The following ZC4H2 variants were observed in gnomAD, a reference collection of about 807,000 sequenced individuals.
ZC4H2 encodes the protein zinc finger C4H2 domain-containing protein.
For synonymous variants in ZC4H2, 84 were observed against 66.3 expected, an observed-to-expected ratio of 1.27 and a Z score of -1.30; for missense variants, 137 against 173.9, an observed-to-expected ratio of 0.79 and a Z score of 1.19.
At chrX:64,973,605 A>C (rs975168963) in intron 1 of ZC4H2, among the ~76,000 whole-genome samples, 6 of 110,976 alleles carry the variant, frequency 5.4e-5, no homozygotes, top group Non-Finnish European at 1.1e-4. Context: ...AGTCTACTGC[A>C]TTAACCATGC....
chrX:65,018,754 C>T (rs746187220), intron 1 of ZC4H2, among the ~76,000 whole-genome samples: 9 of 111,159 alleles, frequency 8.1e-5, no homozygotes, highest in Non-Finnish European at 1.5e-4. Context: ...GGTCCCATCC[C>T]CATGAAGCTG....
At chrX:64,923,173 A>G (rs1929282357) in intron 1 of ZC4H2, among the ~76,000 whole-genome samples, 1 of 111,839 alleles carries the variant, frequency 8.9e-6, no homozygotes, top group South Asian at 3.7e-4. Context: ...AAGATAAGAT[A>G]CTCGCTGAAA....
intron 1 of ZC4H2, among the ~76,000 whole-genome samples, chrX:64,942,801 G>A (rs1168549996): frequency 8.9e-6 from 1 of 112,003 alleles, no homozygotes; most frequent in African/African-American, 3.2e-5. Context: ...ACATGTGCAT[G>A]TGTCTTTATA....
chrX:64,950,585 C>T (rs1252298299), intron 1 of ZC4H2, among the ~76,000 whole-genome samples: 2 of 110,624 alleles, frequency 1.8e-5, no homozygotes, highest in African/African-American at 6.6e-5. Flanking sequence ...TTGAATTGAT[C>T]CCTTTACCAT....
At chrX:64,951,109 A>C (rs1329294532) in intron 1 of ZC4H2, among the ~76,000 whole-genome samples, 8 of 111,460 alleles carry the variant, frequency 7.2e-5, no homozygotes, top group Non-Finnish European at 1.3e-4. Flanking sequence ...TTCCAATTTC[A>C]TCCATGTCCC....
At chrX:64,935,284 C>G (rs1456236350) in intron 1 of ZC4H2, among the ~76,000 whole-genome samples, 1 of 111,925 alleles carries the variant, frequency 8.9e-6, no homozygotes, top group Non-Finnish European at 1.9e-5. Flanking sequence ...TTTCTCCTCT[C>G]TGGGCAGGGC....
chrX:64,976,534 G>C, upstream of ZC4H2: 3 of 537,689 alleles, frequency 5.6e-6, no homozygotes, highest in Non-Finnish European at 9.2e-6. Flanking sequence ...GAGCTTCAGG[G>C]CCAGCCAGGA....
At chrX:64,995,530 T>C (rs756662133) in intron 1 of ZC4H2, among the ~76,000 whole-genome samples, 137 of 112,175 alleles carry the variant, frequency 1.2e-3, no homozygotes, top group African/African-American at 4.2e-3. Context: ...TGGCTAATTT[T>C]TGTATTTTGG....
chrX:64,940,273 T>G (rs1930212269), intron 1 of ZC4H2, among the ~76,000 whole-genome samples: 1 of 111,825 alleles, frequency 8.9e-6, no homozygotes, highest in South Asian at 3.7e-4. Flanking sequence ...TCTAGTAAAC[T>G]TGTTTAAGAT....
At chrX:64,988,972 A>G (rs1319819547) in intron 1 of ZC4H2, among the ~76,000 whole-genome samples, 1 of 112,132 alleles carries the variant, frequency 8.9e-6, no homozygotes. Flanking sequence ...TTATTAAATA[A>G]GGAATCCTTT....
rs1931054589 is a variant in ZC4H2, at chrX:64,954,362, A to ATATATATATATATATACAAT, written c.53+21962_53+21963insATTGTATATATATATATATA. On this transcript the variant is annotated intron_variant, in intron 1 of 4. Transcript: ENST00000374839. ...TAATTATATATATATATAATTATAT[A>ATATATATATATATATACAAT]TATATATATAATTATATATATTTAT... 2.2e-4 allele frequency among the ~76,000 whole-genome samples: 17 copies of ATATATATATATATATACAAT among 76,981 alleles called. 1 individual carries two copies. Among genetic ancestry groups the ATATATATATATATATACAAT allele is most frequent in the African/African-American group, 1.4e-3 (17 of 12,227 alleles). The allele number at this position is 76,981 out of a possible 115,157, so 66.8% of individuals were successfully genotyped here. A position where few individuals can be genotyped will look rare whatever the true frequency, so the allele number is the denominator to read the frequency against.
intron 4 of ZC4H2, 64 bp downstream of exon 4, chrX:64,918,978 C>A: frequency 9.0e-7 from 1 of 1,116,376 alleles, no homozygotes; most frequent in African/African-American, 1.8e-5. Flanking sequence ...CAGAACTAGC[C>A]TTCCACGGCC....
At chrX:64,927,909 G>A (rs754975372) in intron 1 of ZC4H2, among the ~76,000 whole-genome samples, 14 of 111,958 alleles carry the variant, frequency 1.3e-4, no homozygotes, top group Non-Finnish European at 2.4e-4. Context: ...TATGTTTGAC[G>A]GCCACTTAAG....
intron 1 of ZC4H2, among the ~76,000 whole-genome samples, chrX:65,019,646 T>G (rs1932821993): frequency 9.0e-6 from 1 of 111,619 alleles, no homozygotes; most frequent in South Asian, 3.8e-4. Context: ...GGAACACAAC[T>G]CCTCGCCAGC....
chrX:64,975,730 G>A (rs1356781020), intron 1 of ZC4H2, among the ~76,000 whole-genome samples: 1 of 111,400 alleles, frequency 9.0e-6, no homozygotes, highest in Non-Finnish European at 1.9e-5. Context: ...TCAGCGCAGC[G>A]ACCGCGTCCC....
chrX:64,968,307 T>C (rs1931658762), intron 1 of ZC4H2, among the ~76,000 whole-genome samples: 1 of 111,604 alleles, frequency 9.0e-6, no homozygotes, highest in African/African-American at 3.3e-5. Flanking sequence ...ATTCAGGAAG[T>C]GGAAAATCCA....
chrX:64,946,608 C>T (rs1304337847), intron 1 of ZC4H2, among the ~76,000 whole-genome samples: 2 of 110,458 alleles, frequency 1.8e-5, no homozygotes, highest in Non-Finnish European at 3.8e-5. Flanking sequence ...CACACACACA[C>T]ACACACGTCT....
chrX:64,954,293 A>C (rs1248205536), intron 1 of ZC4H2, among the ~76,000 whole-genome samples: 1 of 88,578 alleles, frequency 1.1e-5, no homozygotes, highest in African/African-American at 4.9e-5. Flanking sequence ...CATTGTACAC[A>C]TGTACCCTAA....
chrX:64,944,889 T>C (rs913580685), intron 1 of ZC4H2, among the ~76,000 whole-genome samples: 1 of 112,669 alleles, frequency 8.9e-6, no homozygotes, highest in Admixed American at 9.4e-5. Context: ...TTCTTGCGCA[T>C]GCTTCATGAA....
Sources: gnomAD v4.1 joint callset for allele counts (sites outside exome capture counted in the v4.1 genomes callset) on GRCh38, gnomAD v4.1.1 for gene constraint, MANE v1.5 for transcripts, NCBI Gene and HGNC (gene_info 2026-07-23, HGNC 2026-07-21) for gene names.